THAP4: variants seen among roughly 807,000 people sequenced by gnomAD.
The protein encoded by THAP4 is peroxynitrite isomerase THAP4.
A neutral mutation model predicts 48.1 loss-of-function variants in THAP4; 18 were observed. The observed-to-expected ratio is 0.37, with a 90% CI of 0.26 to 0.56. The LOEUF is 0.56. Ranked by LOEUF, THAP4 falls within the 20% of genes least tolerant of loss-of-function variation. The pLI is 0.78. For missense variants in THAP4, 656 were observed against 774.9 expected (o/e 0.85, Z 1.82); for synonymous variants, 345 against 324.9 (o/e 1.06, Z -0.66).
At chr2:241,628,251 T>C (rs1056140049) in intron 2 of THAP4, among the ~76,000 whole-genome samples, 25 of 151,904 alleles carry the variant, frequency 1.6e-4, no homozygotes, top group African/African-American at 5.8e-4. Flanking sequence ...CAGCGAGGCC[T>C]GCTCCTGGGC....
Position 241,603,043 on chromosome 2 carries a change from C to T in THAP4, c.1437G>A (p.Met479Ile). ...GGCGAATGAAGCCACACTCTCTGTG[C>T]ATCGGCTTGCGCGTGTCCGGGTGGA... is the stretch of plus-strand genomic sequence containing the variant. ...NSFHPDTRKP[M>I]HRECGFIRLK... Residue 479 changes from methionine to isoleucine, a missense_variant, in exon 4 of 6, where the codon ATG becomes ATA. Physicochemically the swap from Met to Ile is conservative, Grantham distance 10. Around this residue, in one of 4 missense-constraint regions of THAP4, gnomAD observed 176 missense variants for 256.7 expected, o/e 0.69. Transcript: ENST00000407315. The T allele has an allele frequency of 6.2e-7, 1 of 1,614,124 alleles. No homozygotes were observed.
At chr2:241,630,227 G>T (rs2067540405) in intron 2 of THAP4, among the ~76,000 whole-genome samples, 1 of 152,140 alleles carries the variant, frequency 6.6e-6, no homozygotes, top group Non-Finnish European at 1.5e-5. Flanking sequence ...ACTCAGAAAT[G>T]AACAGCAACA....
chr2:241,622,079 G>T (rs2067435141), intron 2 of THAP4, among the ~76,000 whole-genome samples: 1 of 152,114 alleles, frequency 6.6e-6, no homozygotes, highest in South Asian at 2.1e-4. Context: ...TCAATATAAA[G>T]ACTTATTTAC....
intron 5 of THAP4, among the ~76,000 whole-genome samples, chr2:241,586,862 A>G (rs747704638): frequency 1.3e-5 from 2 of 152,230 alleles, no homozygotes; most frequent in African/African-American, 2.4e-5. Context: ...GAAAATTGCA[A>G]AAGACTGAAC....
intron 2 of THAP4, among the ~76,000 whole-genome samples, chr2:241,619,429 C>T (rs1469654502): frequency 6.6e-6 from 1 of 152,246 alleles, no homozygotes; most frequent in Non-Finnish European, 1.5e-5. Flanking sequence ...TTACCGCGTA[C>T]CACGCACCTA....
chr2:241,603,037 T>C lies in THAP4; in HGVS notation c.1443A>G (p.Arg481=). 1 of 1,614,176 alleles carries C rather than the reference T, an allele frequency of 6.2e-7. No individual in the cohort carries two copies. Among genetic ancestry groups the C allele is most frequent in the Non-Finnish European group, 8.5e-7 (1 of 1,179,996 alleles). ...FHPDTRKPMH[R]ECGFIRLKPD... ...GCTTGAGGCGAATGAAGCCACACTC[T>C]CTGTGCATCGGCTTGCGCGTGTCCG... is the stretch of plus-strand genomic sequence containing the variant. Residue 481 remains arginine (R), a synonymous_variant, in exon 4 of 6, where the codon AGA becomes AGG. Coordinates refer to ENST00000407315, the MANE Select transcript of THAP4 (RefSeq NM_015963.6).
rs556563363 is a variant in THAP4 at position 241,606,560 on chromosome 2, G to A, written c.1241-87C>T. On this transcript the variant is annotated intron_variant, in intron 2 of 5. Coordinates refer to ENST00000407315, the MANE Select transcript of THAP4 (RefSeq NM_015963.6). ...AGCAGAATGCACGTTCCATATCGACGCTTGCTTCTGGTGGCCACAGCTAAT... is the reference window on the plus strand; with the variant it reads ...AGCAGAATGCACGTTCCATATCGACACTTGCTTCTGGTGGCCACAGCTAAT... 2.8e-5 allele frequency: 36 copies of A among 1,303,142 alleles called. 1 individual carries two copies. Among genetic ancestry groups the A allele is most frequent in the South Asian group, 1.4e-4 (8 of 57,046 alleles). The allele number at this position is 1,303,142 out of a possible 1,614,324, so 80.7% of individuals were successfully genotyped here.
chr2:241,631,893 C>CTT (rs531274905), intron 2 of THAP4, among the ~76,000 whole-genome samples: 3 of 141,578 alleles, frequency 2.1e-5, no homozygotes, highest in Non-Finnish European at 3.1e-5. Context: ...TATTGTATTT[C>CTT]TTTTTTTTTT....
intron 2 of THAP4, among the ~76,000 whole-genome samples, chr2:241,625,020 T>C (rs949873260): frequency 7.2e-5 from 11 of 152,202 alleles, no homozygotes; most frequent in African/African-American, 2.7e-4. Flanking sequence ...GAATAATTAA[T>C]AGCTTTCCAA....
At chr2:241,617,393 A>G in intron 2 of THAP4, 2 of 1,517,620 alleles carry the variant, frequency 1.3e-6, no homozygotes, top group Non-Finnish European at 9.0e-7. Flanking sequence ...TTGGCCCAAG[A>G]CACTGAAAGC....
At chr2:241,589,985 G>A (rs897327561) in intron 5 of THAP4, among the ~76,000 whole-genome samples, 2 of 151,870 alleles carry the variant, frequency 1.3e-5, no homozygotes, top group Non-Finnish European at 2.9e-5. Context: ...AGAGCTGCTC[G>A]GCTGACGATG....
rs374980781 is a variant in THAP4, at chr2:241,636,929, G to C, written c.77+12C>G. ...GTCGGGGCGGGGGCGTGGCGGCCCGGGGCCCGCGTACCTGTGGAAGGAGAC... is the reference window on the plus strand; with the variant it reads ...GTCGGGGCGGGGGCGTGGCGGCCCGCGGCCCGCGTACCTGTGGAAGGAGAC... On this transcript the variant is annotated intron_variant, in intron 1 of 5. Transcript: ENST00000407315. The C allele has an allele frequency of 1.4e-3, 1,757 of 1,245,574 alleles. 2 individuals carry two copies. Among genetic ancestry groups the C allele is most frequent in the Non-Finnish European group, 1.5e-3 (1,458 of 969,974 alleles). 77.2% of individuals were successfully genotyped at this position (1,245,574 alleles called of 1,614,324 possible).
At chr2:241,602,515 A>G (rs979828901) in intron 4 of THAP4, among the ~76,000 whole-genome samples, 4 of 151,952 alleles carry the variant, frequency 2.6e-5, no homozygotes, top group Admixed American at 2.0e-4. Flanking sequence ...ACAGGCATGC[A>G]CCACCACACC....
chr2:241,615,303 G>T (rs1459418308), intron 2 of THAP4, among the ~76,000 whole-genome samples: 3 of 152,134 alleles, frequency 2.0e-5, no homozygotes, highest in Non-Finnish European at 4.4e-5. Flanking sequence ...ACACCTAGGA[G>T]CTTGTGTTTC....
chr2:241,590,783 A>T (rs1207374663), intron 5 of THAP4, among the ~76,000 whole-genome samples: 1 of 151,646 alleles, frequency 6.6e-6, no homozygotes, highest in African/African-American at 2.4e-5. Context: ...GGGCACTAGG[A>T]CACTCAGAGC....
At chr2:241,634,170 C>T (rs770123132) in intron 1 of THAP4, 91 bp from the exon 2 acceptor site, 137 of 1,001,238 alleles carry the variant, frequency 1.4e-4, no homozygotes, top group Non-Finnish European at 1.9e-4. Flanking sequence ...TATTTTTGCA[C>T]GCACCCTAAG....
chr2:241,609,987 T>C (rs1465939377), intron 2 of THAP4, among the ~76,000 whole-genome samples: 2 of 152,094 alleles, frequency 1.3e-5, no homozygotes, highest in Non-Finnish European at 2.9e-5. Context: ...GGAGCAGCGA[T>C]CCAGAGTCCA....
chr2:241,636,894 G>A, intron 1 of THAP4, 47 bp downstream of exon 1: 1 of 1,105,354 alleles, frequency 9.0e-7, no homozygotes, highest in East Asian at 8.2e-5. Context: ...CAGTTTCCCC[G>A]CAGGGCCGGG....
chr2:241,588,082 A>G (rs1262982649), intron 5 of THAP4, among the ~76,000 whole-genome samples: 1 of 152,050 alleles, frequency 6.6e-6, no homozygotes, highest in Non-Finnish European at 1.5e-5. Context: ...AAAGAAACAA[A>G]CTACAGAAAT....
Sources: allele counts gnomAD v4.1 joint callset (sites outside exome capture counted in the v4.1 genomes callset), GRCh38; gene constraint gnomAD v4.1.1; regional missense constraint gnomAD v4.1.1; transcripts MANE v1.5; gene names NCBI Gene and HGNC (gene_info 2026-07-23, HGNC 2026-07-21).